Variants in CNTRL observed in about 807,000 individuals in gnomAD.
CNTRL encodes the protein 110 kDa centrosomal protein.
A neutral mutation model predicts 303.7 loss-of-function variants in CNTRL; 233 were observed. That is an observed-to-expected ratio of 0.77 (90% CI 0.69 to 0.86). The LOEUF (loss-of-function observed/expected upper bound fraction) is 0.86, where lower values mean the gene tolerates loss of function less well. Ranked by LOEUF, CNTRL falls within the 40% of genes least tolerant of loss-of-function variation. The probability of loss-of-function intolerance (pLI) is 0.00; values close to 1 mark genes in which losing one functional copy is unlikely to be tolerated. For missense variants in CNTRL, 2,524 were observed against 2,650.6 expected (o/e 0.95, Z 1.05); for synonymous variants, 900 against 922.2 (o/e 0.98, Z 0.44).
intron 34 of CNTRL, among the ~76,000 whole-genome samples, chr9:121,163,660 C>G (rs1002441236): frequency 2.6e-5 from 4 of 151,986 alleles, no homozygotes; most frequent in Non-Finnish European, 5.9e-5. Flanking sequence ...TCTCAAAACT[C>G]AATAAGAAGA....
chr9:121,106,816 A>G (rs914539836), intron 7 of CNTRL, among the ~76,000 whole-genome samples: 1 of 152,108 alleles, frequency 6.6e-6, no homozygotes, highest in African/African-American at 2.4e-5. Context: ...ATTATTCTGA[A>G]GTTTATGTTT....
intron 12 of CNTRL, chr9:121,122,010 T>C (rs2050257350): frequency 1.3e-6 from 1 of 793,224 alleles, no homozygotes; most frequent in South Asian, 5.7e-5. Flanking sequence ...GTCAGAGATG[T>C]AAGTTCCTGT....
Position 121,140,653 on chromosome 9 carries a change from C to A in CNTRL, c.2350C>A (p.Leu784Met), listed in dbSNP as rs747602353. ...TCCCCCTCCATAGGATGACAATAAT[C>A]TGTTAAAACAGCAACTTAAAGATTT... ...KLKHLQDDNN[L>M]LKQQLKDFQN... The change falls in exon 17 of 44, where the codon CTG (leucine) becomes ATG (methionine). Residue 784 changes from leucine (L) to methionine (M), a missense_variant. Physicochemically the swap from Leu to Met is conservative, Grantham distance 15. Coordinates refer to ENST00000373855, the MANE Select transcript of CNTRL (RefSeq NM_007018.6). 6.2e-7 allele frequency: 1 copy of A among 1,610,272 alleles called. No individual in the cohort carries two copies. Among genetic ancestry groups the A allele is most frequent in the South Asian group, 1.1e-5 (1 of 90,576 alleles).
At chr9:121,107,402 A>T (rs2049528360) in intron 7 of CNTRL, among the ~76,000 whole-genome samples, 1 of 152,210 alleles carries the variant, frequency 6.6e-6, no homozygotes, top group Non-Finnish European at 1.5e-5. Flanking sequence ...TTTGGATCTT[A>T]TCCTAAGAGT....
chr9:121,089,602 T>TA (rs1460322380), intron 3 of CNTRL, among the ~76,000 whole-genome samples: 1 of 152,050 alleles, frequency 6.6e-6, no homozygotes, highest in Admixed American at 6.6e-5. Context: ...TTTCTTACCA[T>TA]AAAAAAATAG....
chr9:121,145,778 C>A (rs907653743), intron 22 of CNTRL, among the ~76,000 whole-genome samples: 1 of 152,088 alleles, frequency 6.6e-6, no homozygotes, highest in African/African-American at 2.4e-5. Context: ...CACCTGTAAA[C>A]CCAGCTACTC....
At chr9:121,155,722 A>C (rs193051374) in intron 27 of CNTRL, among the ~76,000 whole-genome samples, 14 of 152,266 alleles carry the variant, frequency 9.2e-5, no homozygotes, top group African/African-American at 3.4e-4. Flanking sequence ...CCATTTTGTA[A>C]ATGTTTCATT....
intron 34 of CNTRL, among the ~76,000 whole-genome samples, chr9:121,163,032 A>T (rs191435873): frequency 4.6e-5 from 7 of 152,248 alleles, no homozygotes; most frequent in African/African-American, 1.7e-4. Flanking sequence ...CACTATGTAT[A>T]ATATATAAAT....
Position 121,096,564 on chromosome 9 carries a change from G to A in CNTRL, c.621+1G>A. On this transcript the variant is annotated splice_donor_variant, in intron 6 of 43. Transcript: ENST00000373855. LOFTEE classifies it high-confidence loss of function. ...TTTGAAAGGCAACAAGATATCATCG[G>A]TAAGTTATTCAAAATAGCAGGAATT... 3 of 1,432,860 alleles carry A rather than the reference G, an allele frequency of 2.1e-6. No homozygotes were observed. The highest frequency in any genetic ancestry group is 1.7e-5 in the South Asian group (1 of 58,258). 88.8% of individuals were successfully genotyped at this position (1,432,860 alleles called of 1,614,324 possible). A position where few individuals can be genotyped will look rare whatever the true frequency, so the allele number is the denominator to read the frequency against.
chr9:121,149,394 T>TTTTTTTG (rs1301069016), intron 24 of CNTRL, among the ~76,000 whole-genome samples: 1 of 130,090 alleles, frequency 7.7e-6, no homozygotes, highest in Non-Finnish European at 1.7e-5. Context: ...TTCAGAAACT[T>TTTTTTTG]TTTTTTGTTT....
At chr9:121,117,609 T>C (rs1249396611) in intron 11 of CNTRL, among the ~76,000 whole-genome samples, 2 of 152,192 alleles carry the variant, frequency 1.3e-5, no homozygotes, top group East Asian at 3.9e-4. Flanking sequence ...ATTTAAATTT[T>C]CCATGATTCA....
rs140149582 is a variant in CNTRL, at chr9:121,090,388, G to T, written c.331G>T (p.Gly111Cys). The T allele has an allele frequency of 8.7e-6, 14 of 1,609,532 alleles. No homozygotes were observed. The South Asian group carries it at 1.6e-4, about 18-fold the overall frequency. ...KSLNLSLSKDGGKKFKYIENL... is the reference protein window; with the variant it reads ...KSLNLSLSKDCGKKFKYIENL... The stretch of plus-strand genomic sequence containing the variant: ...TCTGAACCTTTCACTTTCTAAAGAC[G>T]GTGGCAAGAAATTTAAGGTAGGTTA... The change falls in exon 4 of 44, where the codon GGT becomes TGT. Residue 111 changes from glycine to cysteine, a missense_variant. Coordinates refer to ENST00000373855, the MANE Select transcript of CNTRL (RefSeq NM_007018.6).
chr9:121,106,330 C>G (rs2049469013), intron 7 of CNTRL, among the ~76,000 whole-genome samples: 1 of 107,742 alleles, frequency 9.3e-6, no homozygotes, highest in African/African-American at 3.4e-5. Flanking sequence ...CAGAGCGAGA[C>G]TCCGTCCAAA....
chr9:121,081,049 G>A (rs1209717566), intron 2 of CNTRL, among the ~76,000 whole-genome samples: 1 of 152,174 alleles, frequency 6.6e-6, no homozygotes, highest in Non-Finnish European at 1.5e-5. Flanking sequence ...GACTGAGTGA[G>A]GAAACTCAGC....
chr9:121,172,641 T>TA (rs1237672537), intron 40 of CNTRL, among the ~76,000 whole-genome samples: 4 of 151,754 alleles, frequency 2.6e-5, no homozygotes, highest in Non-Finnish European at 4.4e-5. Flanking sequence ...ACCCTGTCTT[T>TA]AAAAAAACAA....
At chr9:121,123,221 T>C (rs2050330088) in intron 12 of CNTRL, among the ~76,000 whole-genome samples, 1 of 152,232 alleles carries the variant, frequency 6.6e-6, no homozygotes, top group African/African-American at 2.4e-5. Context: ...TTTTGGGATA[T>C]AGTTTTTAAG....
At chr9:121,122,186 T>A (rs867765685) in intron 12 of CNTRL, among the ~76,000 whole-genome samples, 1 of 152,242 alleles carries the variant, frequency 6.6e-6, no homozygotes, top group Non-Finnish European at 1.5e-5. Context: ...TTTATTGATA[T>A]GAGTGCAGTC....
In CNTRL at chr9:121,098,374, A is replaced by G; in HGVS notation, c.622-12A>G. 1.9e-6 allele frequency: 3 copies of G among 1,557,988 alleles called. No homozygotes were observed. The highest frequency in any genetic ancestry group is 2.6e-6 in the Non-Finnish European group (3 of 1,133,928). ...ATTAAATTATACCAATACTAATGTT[A>G]TATCATTTCAGCTCCAAGATATAAG... On this transcript the variant is annotated splice_polypyrimidine_tract_variant and intron_variant, in intron 6 of 43. Transcript: ENST00000373855.
chr9:121,122,146 G>T (rs1564231986), intron 12 of CNTRL, among the ~76,000 whole-genome samples: 1 of 152,234 alleles, frequency 6.6e-6, no homozygotes, highest in East Asian at 1.9e-4. Flanking sequence ...TAAAGGTTTT[G>T]GTGGAATTTT....
Sources: allele counts gnomAD v4.1 joint callset (sites outside exome capture counted in the v4.1 genomes callset), GRCh38; gene constraint gnomAD v4.1.1; transcripts MANE v1.5; gene names NCBI Gene and HGNC (gene_info 2026-07-23, HGNC 2026-07-21).